Variants in C1orf159 observed in about 807,000 individuals in gnomAD.
C1orf159 encodes the protein uncharacterized protein C1orf159.
A neutral mutation model predicts 25.6 loss-of-function variants in C1orf159; 19 were observed. That is an observed-to-expected ratio of 0.74 (90% CI 0.52 to 1.09). The LOEUF (loss-of-function observed/expected upper bound fraction) is 1.09. Ranked by LOEUF, C1orf159 falls within the 50% of genes least tolerant of loss-of-function variation. The pLI, the probability that C1orf159 is intolerant of heterozygous loss-of-function variation, is 0.00. For synonymous variants in C1orf159, 139 were observed against 124.7 expected, an observed-to-expected ratio of 1.12 and a Z score of -0.77; for missense variants, 274 against 290.6, an observed-to-expected ratio of 0.94 and a Z score of 0.42.
At chr1:1,095,236 T>G (rs1212978999) in intron 1 of C1orf159, among the ~76,000 whole-genome samples, 4 of 152,250 alleles carry the variant, frequency 2.6e-5, no homozygotes, top group Non-Finnish European at 5.9e-5. Context: ...ATTGTGTCAA[T>G]TCCTACAAAA....
intron 7 of C1orf159, chr1:1,085,268 TG>T (rs1387204433): frequency 2.3e-6 from 1 of 438,068 alleles, no homozygotes; most frequent in African/African-American, 2.0e-5. Context: ...TCCGAACTGC[TG>T]GCTGGACCAT....
At chr1:1,090,819 C>G (rs376634449) in intron 3 of C1orf159, 39 of 1,430,862 alleles carry the variant, frequency 2.7e-5, no homozygotes, top group Non-Finnish European at 3.4e-5. Context: ...TTTCAGGGGA[C>G]GAATTCACGC....
chr1:1,094,011 C>T (rs1645976925), intron 1 of C1orf159, among the ~76,000 whole-genome samples: 1 of 152,056 alleles, frequency 6.6e-6, no homozygotes, highest in South Asian at 2.1e-4. Flanking sequence ...GTTTATTAGC[C>T]ACTTATATAT....
chr1:1,085,128 G>A (rs879221029), intron 7 of C1orf159: 1 of 278,346 alleles, frequency 3.6e-6, no homozygotes, highest in South Asian at 2.9e-5. Flanking sequence ...CTGGAGGCTG[G>A]GCCCTGAGAC....
At chr1:1,092,268 T>A (rs1341179041) in intron 1 of C1orf159, 165 bp from the exon 2 acceptor site, 1 of 239,688 alleles carries the variant, frequency 4.2e-6, no homozygotes, top group African/African-American at 2.3e-5. Flanking sequence ...CCACGAGTGT[T>A]TCCCCCGAGC....
chr1:1,104,302 C>T (rs902647596), intron 1 of C1orf159, among the ~76,000 whole-genome samples: 2 of 152,192 alleles, frequency 1.3e-5, no homozygotes, highest in Non-Finnish European at 2.9e-5. Context: ...AGTGGACTTT[C>T]TATCAGTGCG....
intron 9 of C1orf159, 133 bp from the exon 10 acceptor site, chr1:1,083,120 G>T: frequency 1.4e-6 from 1 of 700,456 alleles, no homozygotes; most frequent in Non-Finnish European, 2.3e-6. Context: ...ACTCTGACCA[G>T]GTGGGAACCC....
intron 1 of C1orf159, among the ~76,000 whole-genome samples, chr1:1,107,593 C>T (rs1191599234): frequency 1.3e-5 from 2 of 152,176 alleles, no homozygotes; most frequent in Admixed American, 6.5e-5. Context: ...CGTAAACGCA[C>T]TAATCAGCAC....
At chr1:1,113,448 A>G (rs1646289028) in intron 1 of C1orf159, among the ~76,000 whole-genome samples, 1 of 152,124 alleles carries the variant, frequency 6.6e-6, no homozygotes, top group African/African-American at 2.4e-5. Context: ...GCTGGAGTGC[A>G]TCGTTGCGAT....
At position 1,110,641 on chromosome 1, in the gene C1orf159, A is replaced by G. The variant is rs1437999392; in HGVS notation, c.-136+5419T>C. Among the ~76,000 whole-genome samples the G allele has an allele frequency of 6.6e-6, 1 of 151,368 alleles. No homozygotes were observed. The highest frequency in any genetic ancestry group is 2.5e-5 in the African/African-American group (1 of 40,686). On this transcript the variant is annotated intron_variant, in intron 1 of 9. Coordinates refer to ENST00000421241, the MANE Select transcript of C1orf159 (RefSeq NM_017891.5). The surrounding 1 kb of genome is among the most constrained non-coding windows in gnomAD (Gnocchi z 4.8). Reference sequence around the variant, plus strand: ...GACACACAGAACCGCTGGGACTTCCACACCTGGGATGCAGCCTTCCCCCCG... The same window carrying G: ...GACACACAGAACCGCTGGGACTTCCGCACCTGGGATGCAGCCTTCCCCCCG...
rs1015871920 is a variant in C1orf159 at position 1,110,834 on chromosome 1, A to G, written c.-136+5226T>C. ...AGCACCTCAGAGGAAGCTCAACAACAGTTCTCTGCGTGAGCCGTGGCAGAC... is the reference window on the plus strand; with the variant it reads ...AGCACCTCAGAGGAAGCTCAACAACGGTTCTCTGCGTGAGCCGTGGCAGAC... On this transcript the variant is annotated intron_variant, in intron 1 of 9. Transcript: ENST00000421241. This position sits in a 1 kb window ranked among gnomAD's most constrained non-coding sequence, Gnocchi z 4.8. 7.2e-5 allele frequency among the ~76,000 whole-genome samples: 11 copies of G among 152,290 alleles called. No homozygotes were observed. The highest frequency in any genetic ancestry group is 1.2e-4 in the Non-Finnish European group (8 of 68,022).
At chr1:1,084,273 T>C (rs371338512) in intron 9 of C1orf159, 80 bp downstream of exon 9, 275 of 1,519,710 alleles carry the variant, frequency 1.8e-4, no homozygotes, top group Non-Finnish European at 2.2e-4. Flanking sequence ...GCAAACCCGT[T>C]TGGGGACAAA....
Position 1,110,055 on chromosome 1 carries a change from C to T in C1orf159, c.-136+6005G>A, listed in dbSNP as rs1054024839. Among the ~76,000 whole-genome samples, 9 of 152,228 alleles carry T rather than the reference C, an allele frequency of 5.9e-5. No homozygotes were observed. Among genetic ancestry groups the T allele is most frequent in the African/African-American group, 1.9e-4 (8 of 41,446 alleles). On this transcript the variant is annotated intron_variant, in intron 1 of 9. Coordinates refer to ENST00000421241, the MANE Select transcript of C1orf159 (RefSeq NM_017891.5). This position sits in a 1 kb window ranked among gnomAD's most constrained non-coding sequence, Gnocchi z 4.8. ...CTGCTAGAGGAAAAGAAAACCCAAG[C>T]CTTATTCTTTAACTGTAAGGGTGTG...
chr1:1,102,769 G>C (rs1016372128), intron 1 of C1orf159, among the ~76,000 whole-genome samples: 1 of 151,046 alleles, frequency 6.6e-6, no homozygotes, highest in Non-Finnish European at 1.5e-5. Flanking sequence ...CTGAACTCCA[G>C]CCTGGGTGAC....
intron 1 of C1orf159, among the ~76,000 whole-genome samples, chr1:1,105,747 G>GGGCA (rs1646162236): frequency 7.6e-6 from 1 of 130,814 alleles, no homozygotes; most frequent in African/African-American, 3.4e-5. Flanking sequence ...CTGGGCGGGC[G>GGGCA]CCTGTAGTCC....
chr1:1,086,290 G>A (rs1233328692), intron 6 of C1orf159, among the ~76,000 whole-genome samples: 1 of 152,256 alleles, frequency 6.6e-6, no homozygotes, highest in Non-Finnish European at 1.5e-5. Flanking sequence ...TACAGGGGCT[G>A]ACCCTGGCCG....
intron 1 of C1orf159, among the ~76,000 whole-genome samples, chr1:1,096,924 A>G (rs1261604901): frequency 2.0e-5 from 3 of 152,126 alleles, no homozygotes; most frequent in Non-Finnish European, 2.9e-5. Context: ...GGGTCTCGCT[A>G]TGAAACAAAA....
At chr1:1,088,205 C>CCG (rs1331918324) in intron 4 of C1orf159, among the ~76,000 whole-genome samples, 1 of 93,536 alleles carries the variant, frequency 1.1e-5, no homozygotes, top group Non-Finnish European at 2.2e-5. Context: ...CCAGGACCCC[C>CCG]CCCCCATGGC....
chr1:1,085,452 TG>T, intron 7 of C1orf159: 1 of 284,254 alleles, frequency 3.5e-6, no homozygotes, highest in Non-Finnish European at 7.2e-6. Flanking sequence ...TGGCGTAGGC[TG>T]GGGTGTGGGC....
Sources: allele counts gnomAD v4.1 joint callset (sites outside exome capture counted in the v4.1 genomes callset), GRCh38; gene constraint gnomAD v4.1.1; non-coding constraint Gnocchi (gnomAD v3.1); transcripts MANE v1.5; gene names NCBI Gene and HGNC (gene_info 2026-07-23, HGNC 2026-07-21).